COL6A6: variants seen among roughly 807,000 people sequenced by gnomAD.
COL6A6 encodes the protein collagen type VI alpha 6 chain.
Under a neutral mutation model 208.6 loss-of-function variants are expected in COL6A6, and 183 were observed. The observed-to-expected ratio is 0.88, with a 90% confidence interval of 0.78 to 0.99. The LOEUF (loss-of-function observed/expected upper bound fraction) is 0.99. Among genes scored for constraint, COL6A6 ranks in the 50% least tolerant of loss-of-function variants. COL6A6 has a pLI of 0.00. For synonymous variants in COL6A6, 973 were observed against 1,011.8 expected, an observed-to-expected ratio of 0.96 and a Z score of 0.73; for missense variants, 2,816 against 2,815.2, an observed-to-expected ratio of 1.00 and a Z score of -0.01.
intron 10 of COL6A6, 91 bp downstream of exon 10, chr3:130,582,159 T>C (rs1371434583): frequency 1.3e-6 from 1 of 771,080 alleles, no homozygotes; most frequent in Non-Finnish European, 2.1e-6. Context: ...GGCTCTTAAA[T>C]TTTGAATAAC....
rs2065369248 is a variant in COL6A6 at position 130,643,173 on chromosome 3, C to T, written c.5227+150C>T. 17 of 744,886 alleles carry T rather than the reference C, an allele frequency of 2.3e-5. No individual in the cohort carries two copies. In the South Asian group the frequency reaches 2.8e-4, roughly 12 times the overall value. The allele number at this position is 744,886 out of a possible 1,614,324, so 46.1% of individuals were successfully genotyped here. A position where few individuals can be genotyped will look rare whatever the true frequency, so the allele number is the denominator to read the frequency against. On this transcript the variant is annotated intron_variant, in intron 31 of 36. Transcript: ENST00000358511. The stretch of plus-strand genomic sequence containing the variant: ...TTTTTGAGTCAGCATAGACTGGTGA[C>T]TTTTAACTCCCTCTCTGGTTGCTAT...
At chr3:130,561,380 C>T (rs573572390) in intron 2 of COL6A6, among the ~76,000 whole-genome samples, 5 of 152,270 alleles carry the variant, frequency 3.3e-5, no homozygotes, top group African/African-American at 9.6e-5. Context: ...GCTGTATAAT[C>T]ATGAAAAGAA....
chr3:130,572,616 T>C (rs2063193854), intron 7 of COL6A6, among the ~76,000 whole-genome samples: 1 of 152,236 alleles, frequency 6.6e-6, no homozygotes, highest in Non-Finnish European at 1.5e-5. Flanking sequence ...GTAGCCATTG[T>C]CTAAAATTGG....
chr3:130,563,227 T>G lies in COL6A6; in HGVS notation c.224T>G (p.Leu75Arg), dbSNP rs756929368. Residue 75 changes from leucine to arginine, a missense_variant, in exon 3 of 37, where the codon CTT becomes CGT. Coordinates refer to ENST00000358511, the MANE Select transcript of COL6A6 (RefSeq NM_001102608.3). ...RVALAQYSDKLHSEFHLSTFK... is the reference protein window; with the variant it reads ...RVALAQYSDKRHSEFHLSTFK... The stretch of plus-strand genomic sequence containing the variant: ...GCCCTGGCCCAGTACAGTGATAAAC[T>G]TCACAGTGAATTCCACCTGAGCACC... 6 of 1,614,000 alleles carry G rather than the reference T, an allele frequency of 3.7e-6. No homozygotes were observed. The South Asian group carries it at 6.6e-5, about 18-fold the overall frequency.
rs187901047 is a variant in COL6A6 at position 130,596,649 on chromosome 3, A to G, written c.4534-1716A>G. Among the ~76,000 whole-genome samples, 131 of 152,322 alleles carry G rather than the reference A, an allele frequency of 8.6e-4. 1 individual carries two copies. The highest frequency in any genetic ancestry group is 1.4e-3 in the Non-Finnish European group (94 of 68,008). On this transcript the variant is annotated intron_variant, in intron 18 of 36. Transcript: ENST00000358511. Reference sequence around the variant, plus strand: ...AGGATTTATGATCACATGGAAGTGCATTTGGCTGTTTGGAATTTCCCATCT... The same window carrying G: ...AGGATTTATGATCACATGGAAGTGCGTTTGGCTGTTTGGAATTTCCCATCT...
chr3:130,661,774 G>A lies in COL6A6; in HGVS notation c.5968G>A (p.Ala1990Thr), dbSNP rs2065939041. 6.2e-7 allele frequency: 1 copy of A among 1,613,782 alleles called. No homozygotes were observed. Among genetic ancestry groups the A allele is most frequent in the Non-Finnish European group, 8.5e-7 (1 of 1,179,878 alleles). Reference protein sequence around the residue: ...EFEDIRAFLGALLDHFEITPE... With the variant: ...EFEDIRAFLGTLLDHFEITPE... The stretch of plus-strand genomic sequence containing the variant: ...TGAAGACATAAGAGCCTTCCTTGGA[G>A]CACTATTAGATCACTTTGAAATCAC... The change falls in exon 35 of 37, where the codon GCA (alanine) becomes ACA (threonine). Residue 1990 changes from alanine to threonine, a missense_variant. By Grantham distance (58) the Ala-to-Thr change is moderately conservative. Transcript: ENST00000358511.
chr3:130,653,449 A>G (rs889996423), intron 33 of COL6A6, among the ~76,000 whole-genome samples: 1 of 152,214 alleles, frequency 6.6e-6, no homozygotes, highest in African/African-American at 2.4e-5. Context: ...ATTGTCTAGA[A>G]GAGAATTATT....
intron 21 of COL6A6, among the ~76,000 whole-genome samples, chr3:130,608,521 A>G (rs1278235316): frequency 6.6e-6 from 1 of 152,144 alleles, no homozygotes; most frequent in African/African-American, 2.4e-5. Flanking sequence ...ATAAATATTA[A>G]TATAATCGTG....
At chr3:130,670,381 C>T (rs1024142790) in intron 36 of COL6A6, among the ~76,000 whole-genome samples, 1 of 152,204 alleles carries the variant, frequency 6.6e-6, no homozygotes. Flanking sequence ...CTCAGTAGGG[C>T]ACAGCACTTG....
At chr3:130,579,483 A>G (rs2063372051) in intron 8 of COL6A6, among the ~76,000 whole-genome samples, 1 of 152,170 alleles carries the variant, frequency 6.6e-6, no homozygotes, top group East Asian at 1.9e-4. Flanking sequence ...CTTGCCCCCC[A>G]GGATTCCACA....
intron 23 of COL6A6, among the ~76,000 whole-genome samples, chr3:130,612,150 A>G (rs2064378967): frequency 6.6e-6 from 1 of 152,174 alleles, no homozygotes; most frequent in Non-Finnish European, 1.5e-5. Flanking sequence ...TCCATGGTAT[A>G]TATTTACTAC....
chr3:130,627,275 T>C (rs2108298417), intron 25 of COL6A6, 44 bp from the exon 26 acceptor site: 3 of 1,572,240 alleles, frequency 1.9e-6, no homozygotes, highest in Non-Finnish European at 2.6e-6. Flanking sequence ...AGCCTGTCTC[T>C]ATCTGTAGTC....
At chr3:130,645,539 A>G (rs2065442147) in intron 32 of COL6A6, among the ~76,000 whole-genome samples, 1 of 152,160 alleles carries the variant, frequency 6.6e-6, no homozygotes, top group Non-Finnish European at 1.5e-5. Context: ...TGGCATCTCA[A>G]AGTGCTGGGA....
intron 28 of COL6A6, among the ~76,000 whole-genome samples, chr3:130,640,204 A>T (rs1484214040): frequency 1.3e-5 from 2 of 152,150 alleles, no homozygotes; most frequent in South Asian, 2.1e-4. Context: ...GCCTTCTGGG[A>T]CGTATGATAT....
At chr3:130,579,208 A>G (rs1378132796) in intron 8 of COL6A6, among the ~76,000 whole-genome samples, 2 of 152,178 alleles carry the variant, frequency 1.3e-5, no homozygotes, top group Non-Finnish European at 1.5e-5. Flanking sequence ...TGCCATCATC[A>G]GCTCCAATTA....
At chr3:130,605,692 G>A (rs920505280) in intron 20 of COL6A6, among the ~76,000 whole-genome samples, 10 of 152,088 alleles carry the variant, frequency 6.6e-5, no homozygotes, top group Admixed American at 5.9e-4. Flanking sequence ...TATAACAATA[G>A]TGTATTGGTC....
chr3:130,589,843 A>G (rs2063631098), intron 12 of COL6A6: 1 of 266,244 alleles, frequency 3.8e-6, no homozygotes, highest in Non-Finnish European at 7.6e-6. Flanking sequence ...AATGATTTCA[A>G]TACAGTTTGT....
At chr3:130,612,821 T>C (rs910593279) in intron 23 of COL6A6, among the ~76,000 whole-genome samples, 1 of 152,228 alleles carries the variant, frequency 6.6e-6, no homozygotes, top group Non-Finnish European at 1.5e-5. Context: ...TGGCCATGTA[T>C]ATATCTTCTT....
At chr3:130,639,265 A>G (rs9858810) in intron 28 of COL6A6, among the ~76,000 whole-genome samples, 55,442 of 151,696 alleles carry the variant, frequency 0.37, 13,214 homozygotes, top group African/African-American at 0.66. Flanking sequence ...ACCTTTCTGA[A>G]AATATAAATA....
Sources: allele counts gnomAD v4.1 joint callset (sites outside exome capture counted in the v4.1 genomes callset), GRCh38; gene constraint gnomAD v4.1.1; transcripts MANE v1.5; gene names NCBI Gene and HGNC (gene_info 2026-07-23, HGNC 2026-07-21).